PARP3: variants seen among roughly 807,000 people sequenced by gnomAD.
PARP3 encodes the protein protein mono-ADP-ribosyltransferase PARP3.
Under a neutral mutation model 58.2 loss-of-function variants are expected in PARP3, and 46 were observed. The ratio of observed to expected loss-of-function variants is 0.79; its 90% confidence interval spans 0.62 to 1.01. The LOEUF (loss-of-function observed/expected upper bound fraction) is 1.01, where lower values mean the gene tolerates loss of function less well. PARP3 is among the 50% of genes least tolerant of loss of function. The pLI, the probability that PARP3 is intolerant of heterozygous loss-of-function variation, is 0.00. For synonymous variants in PARP3, 252 were observed against 266.4 expected (o/e 0.95, Z 0.53); for missense variants, 663 against 683.9 (o/e 0.97, Z 0.34).
Position 51,942,727 on chromosome 3 carries a change from T to G in PARP3, c.-3+19T>G. 6.4e-7 allele frequency: 1 copy of G among 1,556,016 alleles called. No homozygotes were observed. ...TTCTTGGGTGAGTGTCCTATGGTCCTGCCCACGGCAGGGCAGGGCAAGGCC... is the reference window on the plus strand; with the variant it reads ...TTCTTGGGTGAGTGTCCTATGGTCCGGCCCACGGCAGGGCAGGGCAAGGCC... On this transcript the variant is annotated intron_variant, in intron 1 of 10. Transcript: ENST00000398755.
At position 51,946,331 on chromosome 3, in the gene PARP3, T is replaced by A. The variant is rs1228232535; in HGVS notation, c.1264T>A (p.Ser422Thr). The change falls in exon 9 of 11, where the codon TCA (serine) becomes ACA (threonine). Residue 422 changes from serine (S) to threonine (T), a missense_variant. By Grantham distance (58) the Ser-to-Thr change is moderately conservative. This residue lies in a region of PARP3 where 567 missense variants were observed against 553.6 expected (regional missense o/e 1.02). Transcript: ENST00000398755. This position sits in a 1 kb window ranked among gnomAD's most constrained non-coding sequence, Gnocchi z 4.6. ...CTACTTTGCCTCAGAGAACAGCAAGTCAGCTGGATATGGTGAGGTGCCCCT... is the reference window on the plus strand; with the variant it reads ...CTACTTTGCCTCAGAGAACAGCAAGACAGCTGGATATGGTGAGGTGCCCCT... ...GIYFASENSK[S>T]AGYVIGMKCG... 6.2e-7 allele frequency: 1 copy of A among 1,607,076 alleles called. No individual in the cohort carries two copies. Among genetic ancestry groups the A allele is most frequent in the South Asian group, 1.1e-5 (1 of 89,852 alleles).
Position 51,945,616 on chromosome 3 carries a change from T to G in PARP3, c.983T>G (p.Leu328Arg). ...CAGCTTCTCAAGTGCCAGCTGCAGC[T>G]GCTAGACTCTGGAGCACCTGAGTAC... ...DYQLLKCQLQLLDSGAPEYKV... is the reference protein window; with the variant it reads ...DYQLLKCQLQRLDSGAPEYKV... Residue 328 changes from leucine to arginine, a missense_variant, in exon 7 of 11, where the codon CTG (leucine) becomes CGG (arginine). Transcript: ENST00000398755. 1 of 1,613,934 alleles carries G rather than the reference T, an allele frequency of 6.2e-7. No individual in the cohort carries two copies. Among genetic ancestry groups the G allele is most frequent in the Non-Finnish European group, 8.5e-7 (1 of 1,179,992 alleles).
chr3:51,947,786 G>C lies in PARP3; in HGVS notation c.1323G>C (p.Leu441=). 1.2e-6 allele frequency: 2 copies of C among 1,614,176 alleles called. No individual in the cohort carries two copies. Among genetic ancestry groups the C allele is most frequent in the East Asian group, 4.5e-5 (2 of 44,888 alleles). The change falls in exon 10 of 11, where the codon CTG becomes CTC. Residue 441 remains leucine (L), a synonymous_variant. Transcript: ENST00000398755. ...CGAHHVGYMF[L]GEVALGREHH... is the part of the protein sequence containing the mutation. Reference sequence around the variant, plus strand: ...CCCACCATGTCGGCTACATGTTCCTGGGTGAGGTGGCCCTGGGCAGAGAGC... The same window carrying C: ...CCCACCATGTCGGCTACATGTTCCTCGGTGAGGTGGCCCTGGGCAGAGAGC...
intron 10 of PARP3, 29 bp downstream of exon 10, chr3:51,947,924 GGA>G: frequency 2.5e-6 from 4 of 1,608,226 alleles, no homozygotes; most frequent in Non-Finnish European, 2.6e-6. Flanking sequence ...TACAGCCCAA[GGA>G]GAGAGGTGGG....
rs1386898143 is a variant in PARP3 at position 51,948,529 on chromosome 3, A to G, written c.*49A>G. 6.5e-7 allele frequency: 1 copy of G among 1,548,198 alleles called. No homozygotes were observed. Among genetic ancestry groups the G allele is most frequent in the East Asian group, 2.2e-5 (1 of 44,454 alleles). ...CCTGCAAGGCTGGACTGTGATCTTC[A>G]ATCATCCTGCCCATCTCTGGTACCC... On this transcript the variant is annotated 3_prime_UTR_variant, in exon 11 of 11. Transcript: ENST00000398755.
chr3:51,945,709 C>G (rs560311165), intron 7 of PARP3, 65 bp downstream of exon 7: 4 of 1,577,932 alleles, frequency 2.5e-6, no homozygotes, highest in Middle Eastern at 1.9e-4. Flanking sequence ...CACCTGCCCT[C>G]GAGGTGCCCA....
chr3:51,943,181 C>A, intron 1 of PARP3, 173 bp from the exon 2 acceptor site: 1 of 925,338 alleles, frequency 1.1e-6, no homozygotes, highest in Non-Finnish European at 1.6e-6. Flanking sequence ...TGGTCTGGGG[C>A]TGGGAATGCC....
rs1234254456 is a variant in PARP3 at position 51,944,433 on chromosome 3, A to G, written c.356A>G (p.Glu119Gly). Reference sequence around the variant, plus strand: ...AAGATCAACCACTTCACAAGGCTAGAAGATGCAAAGAAGGACTTTGAGAAG... The same window carrying G: ...AAGATCAACCACTTCACAAGGCTAGGAGATGCAAAGAAGGACTTTGAGAAG... The part of the protein sequence containing the change: ...QSKINHFTRL[E>G]DAKKDFEKKF... Residue 119 changes from glutamate (E) to glycine (G), a missense_variant, in exon 4 of 11, where the codon GAA becomes GGA. By Grantham distance (98) the Glu-to-Gly change is moderately conservative. Coordinates refer to ENST00000398755, the MANE Select transcript of PARP3 (RefSeq NM_001003931.4). The surrounding 1 kb of genome is among the most constrained non-coding windows in gnomAD (Gnocchi z 4.2). 2 of 1,613,952 alleles carry G rather than the reference A, an allele frequency of 1.2e-6. No individual in the cohort carries two copies. Among genetic ancestry groups the G allele is most frequent in the Admixed American group, 3.3e-5 (2 of 60,012 alleles).
At chr3:51,948,202 G>T (rs2106700976) in intron 10 of PARP3, 109 bp from the exon 11 acceptor site, 1 of 1,149,922 alleles carries the variant, frequency 8.7e-7, no homozygotes. Context: ...AGGTGGAAAT[G>T]AGCAGGCGTG....
Position 51,944,517 on chromosome 3 carries a change from C to A in PARP3, c.440C>A (p.Pro147Gln). ...WAERDHFVSH[P>Q]GKYTLIEVQA... ...GAGCGGGACCACTTTGTGTCTCACC[C>A]GGGCAAGTACACACTTATCGAAGTA... Residue 147 changes from proline to glutamine, a missense_variant, in exon 4 of 11, where the codon CCG (proline) becomes CAG (glutamine). By Grantham distance (76) the Pro-to-Gln change is moderately conservative (BLOSUM62 -1). This residue lies in a region of PARP3 where 567 missense variants were observed against 553.6 expected (regional missense o/e 1.02). Transcript: ENST00000398755. The surrounding 1 kb of genome is among the most constrained non-coding windows in gnomAD (Gnocchi z 4.2). 1 of 1,614,176 alleles carries A rather than the reference C, an allele frequency of 6.2e-7. No homozygotes were observed. The highest frequency in any genetic ancestry group is 8.5e-7 in the Non-Finnish European group (1 of 1,180,032).
In PARP3 at chr3:51,945,131, C is replaced by T; in HGVS notation, c.768C>T (p.His256=). 1 of 1,614,120 alleles carries T rather than the reference C, an allele frequency of 6.2e-7. No homozygotes were observed. Among genetic ancestry groups the T allele is most frequent in the Non-Finnish European group, 8.5e-7 (1 of 1,180,048 alleles). The change falls in exon 6 of 11, where the codon CAC becomes CAT. Residue 256 remains histidine, a synonymous_variant. Coordinates refer to ENST00000398755, the MANE Select transcript of PARP3 (RefSeq NM_001003931.4). ...AAAGCCTGGAGGAGCTGTCCTCACA[C>T]TTTTACACCGTCATCCCGCACAACT... ...GGQSLEELSS[H]FYTVIPHNFG... is the part of the protein sequence containing the mutation.
In PARP3 at chr3:51,942,604, G is replaced by A; in HGVS notation, c.-107G>A. On this transcript the variant is annotated 5_prime_UTR_variant, in exon 1 of 11. Coordinates refer to ENST00000398755, the MANE Select transcript of PARP3 (RefSeq NM_001003931.4). ...GTTGGGAATTCTCTCCCTAATTCAC[G>A]CCTGAGGCTCATGGAGAGTTGCTAG... is the stretch of plus-strand genomic sequence containing the variant. The A allele has an allele frequency of 2.6e-6, 2 of 777,266 alleles. No individual in the cohort carries two copies. Among genetic ancestry groups the A allele is most frequent in the Non-Finnish European group, 2.3e-6 (1 of 438,872 alleles). The allele number at this position is 777,266 out of a possible 1,614,324, so 48.1% of individuals were successfully genotyped here.
At position 51,942,468 on chromosome 3, in the gene PARP3, GT is replaced by G; in HGVS notation, c.-242del. ...TGCCAGATCGAGTGTCCACCCGTCC[GT>G]GGGACTGGTCGCCTGACTCGGCCTG... On this transcript the variant is annotated 5_prime_UTR_variant, in exon 1 of 11. The change abolishes the stop of an existing upstream ORF in the 5' untranslated region. Transcript: ENST00000398755. 1 of 637,142 alleles carries G rather than the reference GT, an allele frequency of 1.6e-6. No homozygotes were observed. The allele number at this position is 637,142 out of a possible 1,614,324, so 39.5% of individuals were successfully genotyped here.
At position 51,942,677 on chromosome 3, in the gene PARP3, C is replaced by G. The variant is rs756623707; in HGVS notation, c.-34C>G. The G allele has an allele frequency of 5.9e-6, 9 of 1,514,718 alleles. No homozygotes were observed. In the South Asian group the frequency reaches 1.1e-4, roughly 18 times the overall value. The allele number at this position is 1,514,718 out of a possible 1,614,324, so 93.8% of individuals were successfully genotyped here. On this transcript the variant is annotated 5_prime_UTR_variant, in exon 1 of 11. Coordinates refer to ENST00000398755, the MANE Select transcript of PARP3 (RefSeq NM_001003931.4). ...GCACACAACCAGGCCGGGTGGCAGC[C>G]AGGACCTCTCCCATGTCCCTGCTTT... is the stretch of plus-strand genomic sequence containing the variant.
In PARP3 at chr3:51,943,107, A is replaced by G. The variant is rs1699583460; in HGVS notation, c.-2-247A>G. ...GTTGACCAGAGTGGGCAGACTGGAC[A>G]GAGTCCTAACCTTGCACTTGGGACT... On this transcript the variant is annotated intron_variant, in intron 1 of 10. Transcript: ENST00000398755. 3 of 1,199,502 alleles carry G rather than the reference A, an allele frequency of 2.5e-6. No homozygotes were observed. In the South Asian group the frequency reaches 5.2e-5, roughly 21 times the overall value. The allele number at this position is 1,199,502 out of a possible 1,614,324, so 74.3% of individuals were successfully genotyped here.
In PARP3 at chr3:51,945,316, G is replaced by C. The variant is rs76372901; in HGVS notation, c.861+92G>C. Reference sequence around the variant, plus strand: ...AAGGGCAGGTGGCCAAGAAGGCCCAGAAGGATGGACTGCCTGGGCAGGCTG... The same window carrying C: ...AAGGGCAGGTGGCCAAGAAGGCCCACAAGGATGGACTGCCTGGGCAGGCTG... On this transcript the variant is annotated intron_variant, in intron 6 of 10. Coordinates refer to ENST00000398755, the MANE Select transcript of PARP3 (RefSeq NM_001003931.4). 6,005 of 1,432,510 alleles carry C rather than the reference G, an allele frequency of 4.2e-3. 198 individuals are homozygous for C. The African/African-American group carries it at 0.072, about 17-fold the overall frequency. The allele number at this position is 1,432,510 out of a possible 1,614,324, so 88.7% of individuals were successfully genotyped here. A position where few individuals can be genotyped will look rare whatever the true frequency, so the allele number is the denominator to read the frequency against.
At chr3:51,943,030 C>A in intron 1 of PARP3, 4 of 1,396,218 alleles carry the variant, frequency 2.9e-6, no homozygotes, top group Non-Finnish European at 2.8e-6. Context: ...ACTTTCCCTA[C>A]CCCTCAGGAC....
chr3:51,944,053 C>T lies in PARP3; in HGVS notation c.184-36C>T. 1 of 1,604,008 alleles carries T rather than the reference C, an allele frequency of 6.2e-7. No homozygotes were observed. The highest frequency in any genetic ancestry group is 1.3e-5 in the African/African-American group (1 of 74,884). ...GTACGGCCAGGCACCCCATCTGACC[C>T]CAGCCAGCCTGCCCCCCACCTCCCC... On this transcript the variant is annotated intron_variant, in intron 2 of 10. Coordinates refer to ENST00000398755, the MANE Select transcript of PARP3 (RefSeq NM_001003931.4). The surrounding 1 kb of genome is among the most constrained non-coding windows in gnomAD (Gnocchi z 4.2).
Position 51,947,804 on chromosome 3 carries a change from C to T in PARP3, c.1341C>T (p.Gly447=). The T allele has an allele frequency of 6.2e-7, 1 of 1,614,098 alleles. No homozygotes were observed. Among genetic ancestry groups the T allele is most frequent in the Non-Finnish European group, 8.5e-7 (1 of 1,180,004 alleles). The part of the protein sequence containing the change: ...GYMFLGEVAL[G]REHHINTDNP... ...TGTTCCTGGGTGAGGTGGCCCTGGG[C>T]AGAGAGCACCATATCAACACGGACA... The change falls in exon 10 of 11, where the codon GGC becomes GGT. Residue 447 remains glycine, a synonymous_variant. Coordinates refer to ENST00000398755, the MANE Select transcript of PARP3 (RefSeq NM_001003931.4).
Sources: gnomAD v4.1 joint callset for allele counts on GRCh38, gnomAD v4.1.1 for gene constraint, gnomAD v4.1.1 regional missense constraint, Gnocchi (gnomAD v3.1) non-coding constraint, MANE v1.5 for transcripts, NCBI Gene and HGNC (gene_info 2026-07-23, HGNC 2026-07-21) for gene names.